PUDP: variants seen among roughly 807,000 people sequenced by gnomAD.
PUDP encodes the protein pseudouridine 5'-phosphatase.
PUDP carries 8 observed loss-of-function variants against 9.4 expected under a neutral mutation model. That is an observed-to-expected ratio of 0.85 (90% confidence interval 0.50 to 1.53). The LOEUF is 1.53. Ranked by LOEUF, PUDP falls within the 40% of genes most tolerant of loss-of-function variation. The pLI, the probability that PUDP is intolerant of heterozygous loss-of-function variation, is 0.00. For missense variants in PUDP, 188 were observed against 189.7 expected, an observed-to-expected ratio of 0.99 and a Z score of 0.05; for synonymous variants, 99 against 80.7, an observed-to-expected ratio of 1.23 and a Z score of -1.22.
At chrX:7,014,190 TCTC>T (rs1295613094) in intron 1 of PUDP, among the ~76,000 whole-genome samples, 2 of 110,096 alleles carry the variant, frequency 1.8e-5, no homozygotes, top group East Asian at 2.9e-4. Context: ...TGTCTCCTCA[TCTC>T]CTCATCTGCT....
chrX:6,719,763 G>A (rs1171763725), intron 1 of PUDP, among the ~76,000 whole-genome samples: 1 of 111,822 alleles, frequency 8.9e-6, no homozygotes, highest in Admixed American at 9.5e-5. Context: ...TGTATTAGGT[G>A]CACGCCCAAT....
At chrX:7,000,141 G>GAC (rs1485803749) in intron 1 of PUDP, among the ~76,000 whole-genome samples, 1 of 109,025 alleles carries the variant, frequency 9.2e-6, no homozygotes, top group Non-Finnish European at 1.9e-5. Flanking sequence ...GAGAGGAAAA[G>GAC]AGAGAGAGAG....
chrX:6,873,677 T>A (rs954940959), intron 3 of PUDP, among the ~76,000 whole-genome samples: 3 of 111,991 alleles, frequency 2.7e-5, no homozygotes, highest in Non-Finnish European at 5.6e-5. Flanking sequence ...TATTAGATTA[T>A]CTGTCAAACC....
chrX:7,145,590 C>G (rs975261207), intron 1 of PUDP, among the ~76,000 whole-genome samples: 6 of 82,074 alleles, frequency 7.3e-5, no homozygotes, highest in African/African-American at 2.8e-4. Flanking sequence ...GAAACAGAAA[C>G]CGAAGTGTAT....
At chrX:6,919,979 T>C (rs755066588) in intron 3 of PUDP, among the ~76,000 whole-genome samples, 34 of 104,144 alleles carry the variant, frequency 3.3e-4, no homozygotes, top group Non-Finnish European at 6.4e-4. Flanking sequence ...TGTATTAAGA[T>C]GAATCCCAGA....
intron 3 of PUDP, among the ~76,000 whole-genome samples, chrX:7,076,130 AAAAAC>A (rs772035143): frequency 7.2e-4 from 81 of 111,980 alleles, no homozygotes; most frequent in African/African-American, 2.6e-3. Flanking sequence ...ACCCTGGGCA[AAAAAC>A]AAAACAAAAC....
intron 1 of PUDP, among the ~76,000 whole-genome samples, chrX:7,033,373 C>A (rs1348171223): frequency 8.9e-6 from 1 of 111,818 alleles, no homozygotes; most frequent in Non-Finnish European, 1.9e-5. Flanking sequence ...CTCTAGAGAA[C>A]CTTGAGTAAT....
intron 2 of PUDP, among the ~76,000 whole-genome samples, chrX:7,081,741 T>C (rs981267842): frequency 8.8e-6 from 1 of 113,143 alleles, no homozygotes; most frequent in African/African-American, 3.2e-5. Flanking sequence ...TCTTTGGGCC[T>C]CAATTTTGTC....
intron 1 of PUDP, among the ~76,000 whole-genome samples, chrX:7,040,635 A>G (rs146182962): frequency 9.8e-5 from 11 of 112,165 alleles, no homozygotes; most frequent in African/African-American, 3.6e-4. Context: ...AAGTGCTTGA[A>G]TTTTGTAGAA....
chrX:6,804,091 G>A (rs1926009071), intron 3 of PUDP, among the ~76,000 whole-genome samples: 1 of 111,439 alleles, frequency 9.0e-6, no homozygotes, highest in African/African-American at 3.3e-5. Flanking sequence ...AGATCTCAAA[G>A]GCTCCAAAAT....
At chrX:7,145,667 C>A (rs1932843931) in intron 1 of PUDP, among the ~76,000 whole-genome samples, 1 of 109,606 alleles carries the variant, frequency 9.1e-6, no homozygotes, top group Non-Finnish European at 1.9e-5. Flanking sequence ...AGTGTCCTGG[C>A]TTTCTTCCTG....
intron 3 of PUDP, among the ~76,000 whole-genome samples, chrX:6,949,291 A>G (rs1176852579): frequency 8.9e-6 from 1 of 111,786 alleles, no homozygotes; most frequent in Non-Finnish European, 1.9e-5. Context: ...ATGTATCACA[A>G]GTGAGATGGA....
chrX:6,941,341 C>CTTTTTT (rs761887998), intron 3 of PUDP, among the ~76,000 whole-genome samples: 4 of 78,643 alleles, frequency 5.1e-5, no homozygotes, highest in African/African-American at 1.5e-4. Flanking sequence ...TCTTTTCTGT[C>CTTTTTT]TTTTTTTTTT....
At chrX:6,997,440 T>G (rs1025169553) in intron 1 of PUDP, among the ~76,000 whole-genome samples, 2 of 112,277 alleles carry the variant, frequency 1.8e-5, no homozygotes, top group Admixed American at 1.9e-4. Context: ...AGAAGAACAT[T>G]AAAATCCTAA....
chrX:6,829,412 G>A (rs1025031581), intron 3 of PUDP, among the ~76,000 whole-genome samples: 4 of 111,701 alleles, frequency 3.6e-5, no homozygotes, highest in South Asian at 3.8e-4. Context: ...TAGGATAAGA[G>A]TATATTTATT....
At chrX:7,056,080 T>C (rs1930234465) in intron 3 of PUDP, among the ~76,000 whole-genome samples, 1 of 112,158 alleles carries the variant, frequency 8.9e-6, no homozygotes, top group Admixed American at 9.4e-5. Flanking sequence ...CAATTACACT[T>C]GACCTAAAAC....
At chrX:7,018,022 G>A (rs895560616) in intron 1 of PUDP, among the ~76,000 whole-genome samples, 9 of 111,604 alleles carry the variant, frequency 8.1e-5, no homozygotes, top group African/African-American at 2.9e-4. Flanking sequence ...TCCCACCAGC[G>A]CCATGACAGT....
chrX:6,845,261 C>G, intron 3 of PUDP, among the ~76,000 whole-genome samples: 1 of 111,514 alleles, frequency 9.0e-6, no homozygotes, highest in Middle Eastern at 4.7e-3. Context: ...ACTTGGAGTC[C>G]TTATGTAAAA....
At chrX:6,939,816 A>C (rs1490934336) in intron 3 of PUDP, among the ~76,000 whole-genome samples, 1 of 108,102 alleles carries the variant, frequency 9.3e-6, no homozygotes, top group Non-Finnish European at 1.9e-5. Flanking sequence ...CCTGCACTCC[A>C]GCCTGGGTGA....
Sources: gnomAD v4.1 joint callset for allele counts (sites outside exome capture counted in the v4.1 genomes callset) on GRCh38, gnomAD v4.1.1 for gene constraint, MANE v1.5 for transcripts, NCBI Gene and HGNC (gene_info 2026-07-23, HGNC 2026-07-21) for gene names.